STPG2: variants seen among roughly 807,000 people sequenced by gnomAD.
STPG2 encodes sperm tail PG-rich repeat containing 2.
In STPG2, 56 loss-of-function variants were observed where a neutral mutation model predicts 54.2. The ratio of observed to expected loss-of-function variants is 1.03; its 90% CI spans 0.83 to 1.29. The LOEUF is 1.29. STPG2 is among the 50% of genes most tolerant of loss of function. The probability of loss-of-function intolerance (pLI) is 0.00; values close to 1 mark genes in which losing one functional copy is unlikely to be tolerated. For synonymous variants in STPG2, 200 were observed against 181.8 expected (o/e 1.10, Z -0.81); for missense variants, 596 against 544.9 (o/e 1.09, Z -0.93).
intron 8 of STPG2, among the ~76,000 whole-genome samples, chr4:97,918,448 CACAT>C (rs1196318045): frequency 1.3e-5 from 2 of 152,124 alleles, no homozygotes; most frequent in East Asian, 1.9e-4. Context: ...CTTTCACACA[CACAT>C]ACACACACAC....
At chr4:97,898,207 T>C (rs188888359) in intron 8 of STPG2, among the ~76,000 whole-genome samples, 295 of 152,262 alleles carry the variant, frequency 1.9e-3, no homozygotes, top group African/African-American at 7.0e-3. Context: ...AAAGATCAGA[T>C]GGTTGTAGGT....
chr4:97,859,521 G>C (rs540646320), intron 8 of STPG2, among the ~76,000 whole-genome samples: 2 of 147,676 alleles, frequency 1.4e-5, no homozygotes, highest in South Asian at 2.1e-4. Flanking sequence ...AGGGAGTGCA[G>C]TGGGGCGATC....
At chr4:97,797,057 A>T (rs1320919677) in intron 9 of STPG2, among the ~76,000 whole-genome samples, 1 of 152,204 alleles carries the variant, frequency 6.6e-6, no homozygotes, top group Admixed American at 6.5e-5. Context: ...GACTTTGCTG[A>T]AGTTGCTTAT....
chr4:98,140,968 A>G (rs1740265821), intron 1 of STPG2, among the ~76,000 whole-genome samples: 1 of 152,216 alleles, frequency 6.6e-6, no homozygotes, highest in African/African-American at 2.4e-5. Flanking sequence ...ATAGCAAATG[A>G]GAAAGTACAC....
intron 4 of STPG2, among the ~76,000 whole-genome samples, chr4:97,466,349 C>A (rs1052970804): frequency 6.6e-6 from 1 of 151,948 alleles, no homozygotes; most frequent in Non-Finnish European, 1.5e-5. Flanking sequence ...AATCAGTTAA[C>A]TCTTAGTGAT....
chr4:98,076,116 C>G (rs879459156), intron 5 of STPG2, among the ~76,000 whole-genome samples: 1 of 151,878 alleles, frequency 6.6e-6, no homozygotes, highest in South Asian at 2.1e-4. Flanking sequence ...TGGTGGCGGG[C>G]GCCTGTAGTC....
At chr4:97,601,604 A>G (rs2148906967) in intron 10 of STPG2, among the ~76,000 whole-genome samples, 1 of 151,890 alleles carries the variant, frequency 6.6e-6, no homozygotes, top group Non-Finnish European at 1.5e-5. Context: ...TGATTTTTCT[A>G]TATGGTGTAA....
chr4:97,665,947 G>C (rs1041570188), intron 10 of STPG2, among the ~76,000 whole-genome samples: 1 of 152,148 alleles, frequency 6.6e-6, no homozygotes, highest in Admixed American at 6.5e-5. Flanking sequence ...GGAGTAGGGA[G>C]AGGCCAAGCA....
At chr4:97,766,666 G>A (rs2149058549) in intron 9 of STPG2, among the ~76,000 whole-genome samples, 2 of 152,018 alleles carry the variant, frequency 1.3e-5, no homozygotes, top group South Asian at 4.1e-4. Flanking sequence ...AAAAATCAAT[G>A]AATCACATCT....
chr4:97,522,631 C>T (rs149515250), intron 4 of STPG2, among the ~76,000 whole-genome samples: 336 of 151,980 alleles, frequency 2.2e-3, no homozygotes, highest in African/African-American at 7.9e-3. Flanking sequence ...TCTGACAAAC[C>T]AACCTGCAGA....
At chr4:97,756,089 T>C (rs1005926583) in intron 9 of STPG2, among the ~76,000 whole-genome samples, 1 of 152,088 alleles carries the variant, frequency 6.6e-6, no homozygotes, top group South Asian at 2.1e-4. Flanking sequence ...TCTCTCTCTC[T>C]GTTGTTTTCC....
At chr4:97,850,246 G>T (rs1335750379) in intron 8 of STPG2, among the ~76,000 whole-genome samples, 2 of 103,888 alleles carry the variant, frequency 1.9e-5, no homozygotes, top group Non-Finnish European at 3.4e-5. Flanking sequence ...ACAGGAAGGG[G>T]AATATCACAC....
chr4:97,730,378 G>A (rs1201523382), intron 9 of STPG2, among the ~76,000 whole-genome samples: 3 of 152,114 alleles, frequency 2.0e-5, no homozygotes, highest in East Asian at 1.9e-4. Context: ...ATATATGTAC[G>A]ACATTTTCTT....
chr4:98,058,269 C>G (rs1234401859), intron 5 of STPG2, among the ~76,000 whole-genome samples: 1 of 152,026 alleles, frequency 6.6e-6, no homozygotes, highest in Non-Finnish European at 1.5e-5. Flanking sequence ...GAGTGGCAAG[C>G]TAAATAAAAA....
chr4:97,667,866 T>C (rs1722575405), intron 10 of STPG2, among the ~76,000 whole-genome samples: 2 of 152,206 alleles, frequency 1.3e-5, no homozygotes, highest in South Asian at 4.1e-4. Flanking sequence ...CGTGCACATA[T>C]GCTGAAAGAT....
At chr4:97,664,654 A>G (rs1722467345) in intron 10 of STPG2, among the ~76,000 whole-genome samples, 1 of 151,668 alleles carries the variant, frequency 6.6e-6, no homozygotes. Flanking sequence ...ACAGTTTTCA[A>G]TTGTGTATGT....
At chr4:97,999,520 T>C (rs750314074) in intron 5 of STPG2, among the ~76,000 whole-genome samples, 37 of 152,130 alleles carry the variant, frequency 2.4e-4, no homozygotes, top group Admixed American at 5.9e-4. Context: ...CTAGCCAACA[T>C]GGCAAAACCC....
intron 10 of STPG2, among the ~76,000 whole-genome samples, chr4:97,596,715 A>T (rs1733302830): frequency 6.6e-6 from 1 of 152,212 alleles, no homozygotes; most frequent in Admixed American, 6.5e-5. Flanking sequence ...TTTGAAACTA[A>T]TGAGAAAAAA....
chr4:97,463,752 T>G (rs576582171), intron 4 of STPG2, among the ~76,000 whole-genome samples: 1 of 152,310 alleles, frequency 6.6e-6, no homozygotes, highest in African/African-American at 2.4e-5. Flanking sequence ...ACTCGGCCTC[T>G]CCTATTGTTA....
Sources: allele counts gnomAD v4.1 joint callset (sites outside exome capture counted in the v4.1 genomes callset), GRCh38; gene constraint gnomAD v4.1.1; transcripts MANE v1.5; gene names NCBI Gene and HGNC (gene_info 2026-07-23, HGNC 2026-07-21).